Variants in ADAMTS20 observed in about 807,000 individuals in gnomAD.
ADAMTS20 encodes the protein A disintegrin and metalloproteinase with thrombospondin motifs 20.
In ADAMTS20, 225 loss-of-function variants were observed where a neutral mutation model predicts 260.1. The ratio of observed to expected loss-of-function variants is 0.87; its 90% CI spans 0.78 to 0.97. The LOEUF (loss-of-function observed/expected upper bound fraction) is 0.97. Ranked by LOEUF, ADAMTS20 falls within the 50% of genes least tolerant of loss-of-function variation. ADAMTS20 has a pLI of 0.00. For synonymous variants in ADAMTS20, 802 were observed against 769.5 expected (o/e 1.04, Z -0.70); for missense variants, 2,400 against 2,337.7 (o/e 1.03, Z -0.55).
intron 37 of ADAMTS20, among the ~76,000 whole-genome samples, chr12:43,359,956 C>G (rs1939831395): frequency 6.6e-6 from 1 of 152,020 alleles, no homozygotes; most frequent in Non-Finnish European, 1.5e-5. Flanking sequence ...AGAAATGACT[C>G]TAAATGTACA....
At chr12:43,472,105 G>A (rs1308677377) in intron 7 of ADAMTS20, among the ~76,000 whole-genome samples, 1 of 149,032 alleles carries the variant, frequency 6.7e-6, no homozygotes, top group African/African-American at 2.5e-5. Flanking sequence ...TTAGAAGAAT[G>A]TATAACTAGA....
At chr12:43,442,094 C>G (rs1394838491) in intron 16 of ADAMTS20, among the ~76,000 whole-genome samples, 1 of 152,090 alleles carries the variant, frequency 6.6e-6, no homozygotes, top group Non-Finnish European at 1.5e-5. Context: ...GAAAAAAAGT[C>G]TACAAATTTC....
intron 12 of ADAMTS20, among the ~76,000 whole-genome samples, chr12:43,453,258 TAA>T (rs2137354204): frequency 6.6e-6 from 1 of 152,256 alleles, no homozygotes; most frequent in African/African-American, 2.4e-5. Flanking sequence ...TTATTCAGAG[TAA>T]GTCACATTTC....
Position 43,502,205 on chromosome 12 carries a change from C to G in ADAMTS20, c.814G>C (p.Val272Leu). 1.2e-6 allele frequency: 2 copies of G among 1,609,790 alleles called. No individual in the cohort carries two copies. The highest frequency in any genetic ancestry group is 1.7e-6 in the Non-Finnish European group (2 of 1,178,398). Residue 272 changes from valine (V) to leucine (L), a missense_variant, in exon 4 of 39, where the codon GTT (valine) becomes CTT (leucine). Physicochemically the swap from Val to Leu is conservative, Grantham distance 32. Coordinates refer to ENST00000389420, the MANE Select transcript of ADAMTS20 (RefSeq NM_025003.5). ...TGCAAATTCGATCCATGAGCAGAAA[C>G]CACTTTAGCATCAGCTGTAACCATA... ...EIMVTADAKV[V>L]SAHGSNLQNY...
chr12:43,447,656 GA>G (rs1565553268), intron 14 of ADAMTS20, among the ~76,000 whole-genome samples: 1 of 151,818 alleles, frequency 6.6e-6, no homozygotes, highest in East Asian at 1.9e-4. Context: ...TCAGGAAAAA[GA>G]AAAAAAGAAA....
chr12:43,431,633 G>T, intron 21 of ADAMTS20, 137 bp from the exon 22 acceptor site: 2 of 1,004,780 alleles, frequency 2.0e-6, no homozygotes, highest in Non-Finnish European at 3.0e-6. Context: ...CACTCCACCA[G>T]AGATATTCAC....
rs747942412 is a variant in ADAMTS20, at chr12:43,432,755, G to A, written c.2777C>T (p.Thr926Ile). 8.7e-6 allele frequency: 14 copies of A among 1,613,896 alleles called. No homozygotes were observed. Among genetic ancestry groups the A allele is most frequent in the Middle Eastern group, 1.7e-4 (1 of 6,058 alleles). ...ATACTTCATGCAATGGATGTCCAAG[G>A]TTCTATATCCTTGACCACATTGGGA... ...CSSQCGQGYR[T>I]LDIHCMKYSI... is the part of the protein sequence containing the mutation. The change falls in exon 20 of 39, where the codon ACC becomes ATC. Residue 926 changes from threonine (T) to isoleucine (I), a missense_variant. Transcript: ENST00000389420.
At chr12:43,516,682 A>C (rs1943003768) in intron 3 of ADAMTS20, among the ~76,000 whole-genome samples, 1 of 152,104 alleles carries the variant, frequency 6.6e-6, no homozygotes, top group African/African-American at 2.4e-5. Flanking sequence ...CATTATTTTA[A>C]TCATTCCCTT....
chr12:43,440,108 C>T (rs1302296617), intron 16 of ADAMTS20, 39 bp from the exon 17 acceptor site: 1 of 1,375,082 alleles, frequency 7.3e-7, no homozygotes, highest in Non-Finnish European at 9.9e-7. Flanking sequence ...AATAGTAACA[C>T]CAATCAACAA....
chr12:43,434,128 G>T, intron 19 of ADAMTS20, 117 bp downstream of exon 19: 1 of 1,124,546 alleles, frequency 8.9e-7, no homozygotes. Flanking sequence ...ATTTTTTCAT[G>T]GCATGGCAGA....
At chr12:43,491,425 A>T (rs1163642937) in intron 6 of ADAMTS20, among the ~76,000 whole-genome samples, 1 of 152,192 alleles carries the variant, frequency 6.6e-6, no homozygotes, top group South Asian at 2.1e-4. Context: ...CATGAACTAC[A>T]TGTTAGCTAT....
chr12:43,363,916 C>A (rs999520387), intron 37 of ADAMTS20, among the ~76,000 whole-genome samples: 4 of 152,050 alleles, frequency 2.6e-5, no homozygotes, highest in Admixed American at 6.6e-5. Flanking sequence ...TATTTATGCC[C>A]CCAAAATATT....
intron 2 of ADAMTS20, among the ~76,000 whole-genome samples, chr12:43,533,393 A>G (rs1943253124): frequency 7.0e-6 from 1 of 143,344 alleles, no homozygotes; most frequent in Non-Finnish European, 1.5e-5. Flanking sequence ...CAAAGAGAAT[A>G]AAATACCTAG....
chr12:43,523,188 C>T (rs926788136), intron 3 of ADAMTS20, among the ~76,000 whole-genome samples: 1 of 152,172 alleles, frequency 6.6e-6, no homozygotes, highest in Non-Finnish European at 1.5e-5. Context: ...ACCTGGGAAT[C>T]CAGGTCACAG....
chr12:43,356,292 C>T (rs535908127), intron 38 of ADAMTS20, among the ~76,000 whole-genome samples, 192 bp downstream of exon 38: 3 of 152,280 alleles, frequency 2.0e-5, no homozygotes, highest in Non-Finnish European at 1.5e-5. Context: ...TCCACATGCA[C>T]ATTAATACAA....
intron 28 of ADAMTS20, 134 bp downstream of exon 28, chr12:43,425,380 G>T: frequency 1.3e-6 from 1 of 757,160 alleles, no homozygotes; most frequent in Non-Finnish European, 1.9e-6. Flanking sequence ...TACCTATGCA[G>T]CAAACCTGCA....
intron 3 of ADAMTS20, among the ~76,000 whole-genome samples, chr12:43,505,717 C>A (rs78710233): frequency 0.024 from 3,602 of 152,226 alleles, 63 homozygotes; most frequent in East Asian, 0.078. Flanking sequence ...AATGGTATAA[C>A]CACTACGGAA....
chr12:43,433,142 T>C (rs1352557578), intron 19 of ADAMTS20, among the ~76,000 whole-genome samples: 1 of 152,222 alleles, frequency 6.6e-6, no homozygotes, highest in African/African-American at 2.4e-5. Flanking sequence ...TTTATCCCTA[T>C]GCAATCCTCT....
At chr12:43,485,661 C>A (rs1942512268) in intron 7 of ADAMTS20, among the ~76,000 whole-genome samples, 1 of 151,952 alleles carries the variant, frequency 6.6e-6, no homozygotes, top group African/African-American at 2.4e-5. Context: ...GATTGTATAC[C>A]TAGACCATCT....
Sources: gnomAD v4.1 joint callset for allele counts (sites outside exome capture counted in the v4.1 genomes callset) on GRCh38, gnomAD v4.1.1 for gene constraint, MANE v1.5 for transcripts, NCBI Gene and HGNC (gene_info 2026-07-23, HGNC 2026-07-21) for gene names.